FBN3: variants seen among roughly 807,000 people sequenced by gnomAD.
FBN3 encodes the protein fibrillin-3.
A neutral mutation model predicts 330.1 loss-of-function variants in FBN3; 234 were observed. The ratio of observed to expected loss-of-function variants is 0.71; its 90% CI spans 0.64 to 0.79. FBN3 has a LOEUF of 0.79. FBN3 is among the 30% of genes least tolerant of loss of function. The pLI, the probability that FBN3 is intolerant of heterozygous loss-of-function variation, is 0.00. For missense variants in FBN3, 3,606 were observed against 3,886.9 expected (o/e 0.93, Z 1.92); for synonymous variants, 1,458 against 1,517.3 (o/e 0.96, Z 0.91).
Position 8,131,411 on chromosome 19 carries a change from C to G in FBN3, c.1991-123G>C. ...GTTTGGGACTAAGACACAACTCCAACCCCGGGGAGGGAGCAACTCCCTTCA... is the reference window on the plus strand; with the variant it reads ...GTTTGGGACTAAGACACAACTCCAAGCCCGGGGAGGGAGCAACTCCCTTCA... On this transcript the variant is annotated intron_variant, in intron 15 of 63. Transcript: ENST00000600128. This position sits in a 1 kb window ranked among gnomAD's most constrained non-coding sequence, Gnocchi z 4.5. 2 of 1,453,670 alleles carry G rather than the reference C, an allele frequency of 1.4e-6. No homozygotes were observed. Among genetic ancestry groups the G allele is most frequent in the Non-Finnish European group, 1.9e-6 (2 of 1,057,418 alleles). 90.0% of individuals were successfully genotyped at this position (1,453,670 alleles called of 1,614,324 possible). A position where few individuals can be genotyped will look rare whatever the true frequency, so the allele number is the denominator to read the frequency against.
At chr19:8,115,010 T>C (rs1305359370) in intron 30 of FBN3, among the ~76,000 whole-genome samples, 3 of 152,026 alleles carry the variant, frequency 2.0e-5, no homozygotes, top group Admixed American at 1.3e-4. Context: ...CTGGGATTAC[T>C]ATGCCTGGCT....
chr19:8,102,765 G>T lies in FBN3; in HGVS notation c.5048C>A (p.Ala1683Asp). ...GCAGGCCTCACAGGGTCTATTCCAG[G>T]CCTGGCCAATGTTGTAGGAGCAGCA... Reference protein sequence around the residue: ...MCCCSYNIGQAWNRPCEACPT... With the variant: ...MCCCSYNIGQDWNRPCEACPT... The change falls in exon 40 of 64, where the codon GCC (alanine) becomes GAC (aspartate). Residue 1683 changes from alanine (A) to aspartate (D), a missense_variant. Ala to Asp is a moderately radical substitution (Grantham distance 126). Transcript: ENST00000600128. The T allele has an allele frequency of 6.2e-7, 1 of 1,614,042 alleles. No individual in the cohort carries two copies. Among genetic ancestry groups the T allele is most frequent in the Non-Finnish European group, 8.5e-7 (1 of 1,180,016 alleles).
intron 59 of FBN3, among the ~76,000 whole-genome samples, chr19:8,079,983 T>G (rs549826107): frequency 6.6e-6 from 1 of 152,224 alleles, no homozygotes; most frequent in Non-Finnish European, 1.5e-5. Flanking sequence ...GCCTTTTATG[T>G]TTGTTGCTGT....
At chr19:8,119,615 G>C (rs565417524) in intron 25 of FBN3, among the ~76,000 whole-genome samples, 67 of 150,732 alleles carry the variant, frequency 4.4e-4, no homozygotes, top group African/African-American at 1.6e-3. Flanking sequence ...CTGGGTTCAT[G>C]CAATTCTCCT....
At chr19:8,128,720 CG>C (rs2083052721) in intron 18 of FBN3, among the ~76,000 whole-genome samples, 1 of 152,088 alleles carries the variant, frequency 6.6e-6, no homozygotes, top group African/African-American at 2.4e-5. Context: ...TGTGTATACA[CG>C]GCATGTGCAG....
intron 59 of FBN3, 114 bp downstream of exon 59, chr19:8,080,889 T>C: frequency 2.8e-6 from 2 of 724,162 alleles, no homozygotes; most frequent in East Asian, 5.4e-5. Flanking sequence ...TCCAAAGTGC[T>C]GGGATTACAG....
rs2082915768 is a variant in FBN3 at position 8,123,919 on chromosome 19, A to C, written c.2821T>G (p.Cys941Gly). 1 of 1,613,946 alleles carries C rather than the reference A, an allele frequency of 6.2e-7. No homozygotes were observed. The highest frequency in any genetic ancestry group is 1.3e-5 in the African/African-American group (1 of 74,924). ...ACTCCCCACACGGCCCCGATGGAGC[A>C]GCAGCAGACGTCCATCCGGTACTTG... is the stretch of plus-strand genomic sequence containing the variant. Reference protein sequence around the residue: ...PGKYRMDVCCCSIGAVWGVEC... With the variant: ...PGKYRMDVCCGSIGAVWGVEC... The change falls in exon 23 of 64, where the codon TGC (cysteine) becomes GGC (glycine). Residue 941 changes from cysteine (C) to glycine (G), a missense_variant. By Grantham distance (159) the Cys-to-Gly change is radical. Transcript: ENST00000600128.
intron 62 of FBN3, 147 bp downstream of exon 62, chr19:8,072,916 G>C (rs1195389152): frequency 2.2e-5 from 15 of 681,980 alleles, no homozygotes; most frequent in Non-Finnish European, 1.7e-5. Flanking sequence ...ATGCCTGCAT[G>C]CACAGGCTGA....
At chr19:8,142,994 G>A (rs1033730654) in intron 6 of FBN3, among the ~76,000 whole-genome samples, 1 of 151,860 alleles carries the variant, frequency 6.6e-6, no homozygotes, top group Non-Finnish European at 1.5e-5. Context: ...TCTAGTCCCC[G>A]GGTCGTGCCC....
At chr19:8,093,805 A>C (rs1203203197) in intron 47 of FBN3, among the ~76,000 whole-genome samples, 4 of 152,120 alleles carry the variant, frequency 2.6e-5, no homozygotes, top group East Asian at 1.9e-4. Context: ...ACAACAACAA[A>C]AAAAGGATAG....
intron 63 of FBN3, among the ~76,000 whole-genome samples, chr19:8,069,238 C>T (rs1379514890): frequency 6.6e-6 from 1 of 152,122 alleles, no homozygotes; most frequent in East Asian, 1.9e-4. Context: ...CAATGACAAA[C>T]CCTTCTTTAT....
chr19:8,089,020 G>A (rs2082031645), intron 51 of FBN3, among the ~76,000 whole-genome samples: 2 of 152,180 alleles, frequency 1.3e-5, no homozygotes, highest in Admixed American at 6.5e-5. Flanking sequence ...GCAAGTGAAT[G>A]AGTGAGGGGG....
At chr19:8,135,936 G>GTGCCACCCCCCC in intron 13 of FBN3, 25 bp downstream of exon 13, 1 of 668,778 alleles carries the variant, frequency 1.5e-6, no homozygotes, top group Non-Finnish European at 2.4e-6. Context: ...GGAAGCCCCT[G>GTGCCACCCCCCC]CCCACCCGCC....
At position 8,086,226 on chromosome 19, in the gene FBN3, G is replaced by A; in HGVS notation, c.6854C>T (p.Pro2285Leu). 1 of 1,610,482 alleles carries A rather than the reference G, an allele frequency of 6.2e-7. No homozygotes were observed. Among genetic ancestry groups the A allele is most frequent in the Non-Finnish European group, 8.5e-7 (1 of 1,178,176 alleles). Residue 2285 changes from proline to leucine, a missense_variant, in exon 55 of 64, where the codon CCC becomes CTC. Coordinates refer to ENST00000600128, the MANE Select transcript of FBN3 (RefSeq NM_032447.5). ...FRCDCDEGFQ[P>L]SPTLTECHDI... is the part of the protein sequence containing the mutation. ...GTGGCACTCGGTAAGGGTGGGGCTG[G>A]GCTGGAATCCCTCATCACAGTCGCA...
intron 25 of FBN3, 98 bp from the exon 26 acceptor site, chr19:8,119,120 C>A: frequency 7.3e-7 from 1 of 1,370,038 alleles, no homozygotes; most frequent in South Asian, 1.4e-5. Flanking sequence ...ACCTCCCCAG[C>A]CCCCTTCACC....
chr19:8,135,936 G>GCACC, intron 13 of FBN3, 25 bp downstream of exon 13: 3 of 668,778 alleles, frequency 4.5e-6, no homozygotes, highest in South Asian at 3.2e-5. Flanking sequence ...GGAAGCCCCT[G>GCACC]CCCACCCGCC....
At position 8,141,869 on chromosome 19, in the gene FBN3, G is replaced by A. The variant is rs368882799; in HGVS notation, c.740-27C>T. 5 of 1,612,918 alleles carry A rather than the reference G, an allele frequency of 3.1e-6. No homozygotes were observed. The African/African-American group carries it at 4.0e-5, about 13-fold the overall frequency. On this transcript the variant is annotated intron_variant, in intron 7 of 63. Coordinates refer to ENST00000600128, the MANE Select transcript of FBN3 (RefSeq NM_032447.5). ...TGCAAGGACAAAGCCCGGCAGGGGA[G>A]TGAGAGGCCCATCGGAGGGAAGAAC... is the stretch of plus-strand genomic sequence containing the variant.
chr19:8,136,317 G>T lies in FBN3; in HGVS notation c.1346-8C>A, dbSNP rs2083280145. 6.2e-7 allele frequency: 1 copy of T among 1,602,282 alleles called. No homozygotes were observed. The highest frequency in any genetic ancestry group is 1.7e-5 in the Admixed American group (1 of 59,546). On this transcript the variant is annotated splice_region_variant and splice_polypyrimidine_tract_variant and intron_variant, in intron 11 of 63. Coordinates refer to ENST00000600128, the MANE Select transcript of FBN3 (RefSeq NM_032447.5). ...TGGTGCATTCGTCTACATCTGAGGG[G>T]AGAGGACCCTGAGCCCTAGCACGAG...
At chr19:8,088,992 G>A (rs1053625672) in intron 51 of FBN3, among the ~76,000 whole-genome samples, 2 of 152,216 alleles carry the variant, frequency 1.3e-5, no homozygotes, top group Non-Finnish European at 2.9e-5. Flanking sequence ...GCAAAGGAGT[G>A]AATGAGTGAG....
Sources: gnomAD v4.1 joint callset for allele counts (sites outside exome capture counted in the v4.1 genomes callset) on GRCh38, gnomAD v4.1.1 for gene constraint, Gnocchi (gnomAD v3.1) non-coding constraint, MANE v1.5 for transcripts, NCBI Gene and HGNC (gene_info 2026-07-23, HGNC 2026-07-21) for gene names.